Variants in ACER3 observed in about 807,000 individuals in gnomAD.
ACER3 encodes alkaline ceramidase 3.
ACER3 carries 16 observed loss-of-function variants against 48.9 expected under a neutral mutation model. The observed-to-expected ratio is 0.33, with a 90% CI of 0.22 to 0.50. The LOEUF (loss-of-function observed/expected upper bound fraction) is 0.50. Ranked by LOEUF, ACER3 falls within the 20% of genes least tolerant of loss-of-function variation. The pLI, the probability that ACER3 is intolerant of heterozygous loss-of-function variation, is 0.98. For missense variants in ACER3, 227 were observed against 326.0 expected, an observed-to-expected ratio of 0.70 and a Z score of 2.34; for synonymous variants, 109 against 107.8, an observed-to-expected ratio of 1.01 and a Z score of -0.07.
At chr11:76,988,337 A>G (rs550358383) in intron 5 of ACER3, among the ~76,000 whole-genome samples, 4 of 152,310 alleles carry the variant, frequency 2.6e-5, no homozygotes, top group African/African-American at 7.2e-5. Flanking sequence ...GTCCCTTCTC[A>G]TGCTGCTATA....
chr11:76,910,689 A>G (rs1433288306), intron 1 of ACER3, among the ~76,000 whole-genome samples: 1 of 152,216 alleles, frequency 6.6e-6, no homozygotes, highest in Non-Finnish European at 1.5e-5. Flanking sequence ...GTAAATTAAA[A>G]AGTAATAATA....
chr11:76,988,917 AT>A (rs1407323194), intron 5 of ACER3, among the ~76,000 whole-genome samples: 2 of 152,144 alleles, frequency 1.3e-5, no homozygotes, highest in Non-Finnish European at 1.5e-5. Flanking sequence ...AAATTACTTA[AT>A]CTCTCTCAGC....
chr11:76,994,230 C>T (rs1008941625), intron 6 of ACER3: 1 of 453,006 alleles, frequency 2.2e-6, no homozygotes. Flanking sequence ...CTCCCAGGTT[C>T]GTTATTCTTA....
intron 1 of ACER3, among the ~76,000 whole-genome samples, chr11:76,892,792 T>G (rs1945839499): frequency 6.6e-6 from 1 of 152,162 alleles, no homozygotes; most frequent in African/African-American, 2.4e-5. Flanking sequence ...TTAAATAAAT[T>G]CAGAAAGTCT....
chr11:76,921,825 G>A (rs2134785612), intron 1 of ACER3, among the ~76,000 whole-genome samples: 1 of 152,184 alleles, frequency 6.6e-6, no homozygotes, highest in East Asian at 1.9e-4. Flanking sequence ...GCAGTTACGT[G>A]TTCAGATTGT....
At chr11:76,991,815 CAAA>C (rs5792751) in intron 6 of ACER3, among the ~76,000 whole-genome samples, 6 of 123,282 alleles carry the variant, frequency 4.9e-5, no homozygotes, top group Admixed American at 1.7e-4. Flanking sequence ...AACTCTGTCT[CAAA>C]AAAAAAAAAA....
At position 77,022,742 on chromosome 11, in the gene ACER3, G is replaced by A. The variant is rs1221882808; in HGVS notation, c.*2415G>A. 5.8e-6 allele frequency: 1 copy of A among 173,048 alleles called. No individual in the cohort carries two copies. Among genetic ancestry groups the A allele is most frequent in the Non-Finnish European group, 1.2e-5 (1 of 82,586 alleles). The allele number at this position is 173,048 out of a possible 1,614,324, so 10.7% of individuals were successfully genotyped here. A position where few individuals can be genotyped will look rare whatever the true frequency, so the allele number is the denominator to read the frequency against. On this transcript the variant is annotated 3_prime_UTR_variant, in exon 11 of 11. Coordinates refer to ENST00000532485, the MANE Select transcript of ACER3 (RefSeq NM_018367.7). ...GTGTACAAAAAGTCTGTTTCCTGCT[G>A]AGCCAATAGTGATTTGTTTGCATAT... is the stretch of plus-strand genomic sequence containing the variant.
intron 7 of ACER3, among the ~76,000 whole-genome samples, chr11:77,000,174 TA>T (rs1555019483): frequency 6.6e-6 from 1 of 152,208 alleles, no homozygotes; most frequent in African/African-American, 2.4e-5. Context: ...CCCTAATGGC[TA>T]ATCACGTTGA....
intron 1 of ACER3, among the ~76,000 whole-genome samples, chr11:76,886,298 A>G (rs1366567443): frequency 6.6e-6 from 1 of 152,214 alleles, no homozygotes; most frequent in Non-Finnish European, 1.5e-5. Flanking sequence ...ATGGGCAAGA[A>G]GGCAAGTAAT....
chr11:76,891,267 A>G lies in ACER3; in HGVS notation c.103+30188A>G, dbSNP rs976943841. The stretch of plus-strand genomic sequence containing the variant: ...TATATAATATATATATAATATATAT[A>G]TATATGTTTTCATCCACGGTTCCTG... On this transcript the variant is annotated intron_variant, in intron 1 of 10. Coordinates refer to ENST00000532485, the MANE Select transcript of ACER3 (RefSeq NM_018367.7). 3.8e-5 allele frequency among the ~76,000 whole-genome samples: 5 copies of G among 130,798 alleles called. No homozygotes were observed. In the South Asian group the frequency reaches 1.0e-3, roughly 26 times the overall value. The allele number at this position is 130,798 out of a possible 152,430, so 85.8% of individuals were successfully genotyped here.
chr11:77,006,653 A>T (rs962669163), intron 7 of ACER3, among the ~76,000 whole-genome samples: 1 of 151,738 alleles, frequency 6.6e-6, no homozygotes, highest in East Asian at 1.9e-4. Context: ...GAAAAATGTC[A>T]TGCCACTTCC....
chr11:77,001,372 C>A (rs1236817899), intron 7 of ACER3, among the ~76,000 whole-genome samples: 1 of 152,178 alleles, frequency 6.6e-6, no homozygotes, highest in Non-Finnish European at 1.5e-5. Flanking sequence ...TCTCCTGCCT[C>A]AGCCTCCCCA....
intron 1 of ACER3, among the ~76,000 whole-genome samples, chr11:76,890,296 A>G (rs1430442737): frequency 6.6e-6 from 1 of 152,142 alleles, no homozygotes; most frequent in African/African-American, 2.4e-5. Flanking sequence ...TCTCTACTGT[A>G]TTGATAATAC....
At chr11:76,929,366 G>A (rs1159856996) in intron 2 of ACER3, among the ~76,000 whole-genome samples, 1 of 152,234 alleles carries the variant, frequency 6.6e-6, no homozygotes, top group African/African-American at 2.4e-5. Context: ...TTTGGGCTGA[G>A]ACGATGGGGT....
At chr11:76,926,709 A>C (rs775357642) in intron 2 of ACER3, 42 bp downstream of exon 2, 1 of 1,270,390 alleles carries the variant, frequency 7.9e-7, no homozygotes, top group East Asian at 2.5e-5. Context: ...CAGTATTCAA[A>C]TGGGCCATTT....
chr11:76,861,105 G>A, intron 1 of ACER3, 26 bp downstream of exon 1: 3 of 1,528,062 alleles, frequency 2.0e-6, no homozygotes, highest in East Asian at 2.5e-5. Flanking sequence ...GGAGGGGAGT[G>A]GGGGCGAGAG....
chr11:76,868,066 G>A (rs1267958933), intron 1 of ACER3: 2 of 1,267,902 alleles, frequency 1.6e-6, no homozygotes, highest in African/African-American at 1.5e-5. Context: ...GCCATGAAAG[G>A]CATTTGACTG....
chr11:76,879,124 T>C (rs1456641114), intron 1 of ACER3, among the ~76,000 whole-genome samples: 3 of 152,140 alleles, frequency 2.0e-5, no homozygotes, highest in Non-Finnish European at 1.5e-5. Flanking sequence ...CTTCATTTTT[T>C]AAAGGTGTTT....
chr11:76,998,446 A>AAAGAGAAGAGAGGAGCTC, intron 6 of ACER3: 5 of 292,102 alleles, frequency 1.7e-5, no homozygotes, highest in Non-Finnish European at 3.1e-5. Context: ...GAGAGGAGCT[A>AAAGAGAAGAGAGGAGCTC]AAGATTATGA....
Sources: allele counts gnomAD v4.1 joint callset (sites outside exome capture counted in the v4.1 genomes callset), GRCh38; gene constraint gnomAD v4.1.1; transcripts MANE v1.5; gene names NCBI Gene and HGNC (gene_info 2026-07-23, HGNC 2026-07-21).